NYAP2: variants seen among roughly 807,000 people sequenced by gnomAD.
The protein encoded by NYAP2 is neuronal tyrosine-phosphorylated phosphoinositide-3-kinase adapter 2.
Under a neutral mutation model 50.4 loss-of-function variants are expected in NYAP2, and 23 were observed. That is an observed-to-expected ratio of 0.46 (90% CI 0.33 to 0.65). The LOEUF is 0.65. Among genes scored for constraint, NYAP2 ranks in the 30% least tolerant of loss-of-function variants. The pLI, the probability that NYAP2 is intolerant of heterozygous loss-of-function variation, is 0.02. For synonymous variants in NYAP2, 394 were observed against 365.2 expected, an observed-to-expected ratio of 1.08 and a Z score of -0.90; for missense variants, 885 against 861.0, an observed-to-expected ratio of 1.03 and a Z score of -0.35.
intron 3 of NYAP2, among the ~76,000 whole-genome samples, chr2:225,451,295 G>T (rs1197300147): frequency 6.6e-6 from 1 of 151,838 alleles, no homozygotes; most frequent in Non-Finnish European, 1.5e-5. Flanking sequence ...CACTGTGAAT[G>T]GCAAAAAGGC....
chr2:225,515,653 A>G (rs1690916616), intron 4 of NYAP2, among the ~76,000 whole-genome samples: 1 of 152,208 alleles, frequency 6.6e-6, no homozygotes, highest in Non-Finnish European at 1.5e-5. Context: ...AAGGCCCCAG[A>G]GGCCTACCAT....
chr2:225,596,896 T>C (rs1692608920), intron 5 of NYAP2, among the ~76,000 whole-genome samples: 1 of 152,158 alleles, frequency 6.6e-6, no homozygotes, highest in South Asian at 2.1e-4. Context: ...TTGCATGGTA[T>C]TGAATACAGT....
intron 3 of NYAP2, among the ~76,000 whole-genome samples, chr2:225,465,255 A>G (rs1446630444): frequency 6.6e-6 from 1 of 151,908 alleles, no homozygotes; most frequent in Non-Finnish European, 1.5e-5. Flanking sequence ...TGCTATCTCA[A>G]AGCAGATCTC....
chr2:225,592,281 T>C (rs1574698202), intron 5 of NYAP2, among the ~76,000 whole-genome samples: 1 of 152,260 alleles, frequency 6.6e-6, no homozygotes, highest in East Asian at 1.9e-4. Context: ...AACTATGCAG[T>C]AGTTTGGCCC....
At chr2:225,628,315 G>GTTTTTTTTT (rs543647777) in intron 6 of NYAP2, among the ~76,000 whole-genome samples, 1 of 109,418 alleles carries the variant, frequency 9.1e-6, no homozygotes, top group African/African-American at 3.4e-5. Context: ...AGAACACATA[G>GTTTTTTTTT]TTTTTTTTTT....
chr2:225,497,853 T>C (rs1690535163), intron 3 of NYAP2, among the ~76,000 whole-genome samples: 1 of 152,220 alleles, frequency 6.6e-6, no homozygotes, highest in Non-Finnish European at 1.5e-5. Context: ...CTGGAAAATG[T>C]ATGGCTTGAC....
the NYAP2 span, among the ~76,000 whole-genome samples, chr2:225,688,193 C>G: frequency 6.6e-6 from 1 of 152,180 alleles, no homozygotes; most frequent in African/African-American, 2.4e-5. Flanking sequence ...CCAGGTGTGA[C>G]TCACATGGCA....
chr2:225,537,567 G>T (rs1359443992), intron 4 of NYAP2, among the ~76,000 whole-genome samples: 1 of 152,058 alleles, frequency 6.6e-6, no homozygotes, highest in East Asian at 1.9e-4. Flanking sequence ...ATAATGGCAT[G>T]GGAAAGATCT....
At chr2:225,667,749 A>G in the NYAP2 span, among the ~76,000 whole-genome samples, 2 of 152,236 alleles carry the variant, frequency 1.3e-5, no homozygotes, top group South Asian at 2.1e-4. Context: ...TAGAATACCT[A>G]AGAGCAATCA....
intron 4 of NYAP2, among the ~76,000 whole-genome samples, chr2:225,580,059 A>G (rs993326770): frequency 2.0e-5 from 3 of 152,120 alleles, no homozygotes; most frequent in East Asian, 1.9e-4. Flanking sequence ...TTCAATTCCT[A>G]TAACTCAATA....
chr2:225,666,212 T>G, the NYAP2 span, among the ~76,000 whole-genome samples: 9 of 152,310 alleles, frequency 5.9e-5, no homozygotes, highest in South Asian at 1.2e-3. Flanking sequence ...ATGTCACCTA[T>G]GTAGCCTACC....
At chr2:225,555,984 A>G (rs1691770292) in intron 4 of NYAP2, among the ~76,000 whole-genome samples, 1 of 152,140 alleles carries the variant, frequency 6.6e-6, no homozygotes, top group Non-Finnish European at 1.5e-5. Context: ...ATAAGCAGTC[A>G]TTACCTTCTA....
chr2:225,519,479 T>C (rs1454516670), intron 4 of NYAP2, among the ~76,000 whole-genome samples: 1 of 141,080 alleles, frequency 7.1e-6, no homozygotes, highest in Non-Finnish European at 1.5e-5. Flanking sequence ...TGTCCATGTG[T>C]TCTCATTGTT....
chr2:225,456,340 A>T (rs1689739423), intron 3 of NYAP2, among the ~76,000 whole-genome samples: 2 of 152,134 alleles, frequency 1.3e-5, no homozygotes, highest in Non-Finnish European at 2.9e-5. Context: ...TGCCTTACTG[A>T]CTTGTGTCCT....
chr2:225,601,064 C>A (rs149881878), intron 5 of NYAP2, among the ~76,000 whole-genome samples: 163 of 150,766 alleles, frequency 1.1e-3, no homozygotes, highest in African/African-American at 3.9e-3. Context: ...ACTTTCTATT[C>A]TTTAGAAATA....
intron 4 of NYAP2, among the ~76,000 whole-genome samples, chr2:225,559,660 G>T (rs1691839385): frequency 6.6e-6 from 1 of 151,902 alleles, no homozygotes; most frequent in Non-Finnish European, 1.5e-5. Flanking sequence ...ATAAATGGAA[G>T]GAATTTTAAA....
At chr2:225,508,860 C>T (rs929358678) in intron 3 of NYAP2, among the ~76,000 whole-genome samples, 5 of 152,212 alleles carry the variant, frequency 3.3e-5, no homozygotes, top group Non-Finnish European at 5.9e-5. Flanking sequence ...TGACTGCTAT[C>T]CTCAGAGGAG....
chr2:225,462,227 A>G (rs528619630), intron 3 of NYAP2, among the ~76,000 whole-genome samples: 1 of 152,244 alleles, frequency 6.6e-6, no homozygotes. Context: ...ATCAATGTAC[A>G]TGGAAGTGAT....
intron 4 of NYAP2, among the ~76,000 whole-genome samples, chr2:225,517,476 G>T (rs988034565): frequency 4.6e-5 from 7 of 152,156 alleles, no homozygotes; most frequent in Non-Finnish European, 8.8e-5. Flanking sequence ...TTAGGCAAAA[G>T]AGACTGTACT....
Sources: gnomAD v4.1 joint callset for allele counts (sites outside exome capture counted in the v4.1 genomes callset) on GRCh38, gnomAD v4.1.1 for gene constraint, MANE v1.5 for transcripts, NCBI Gene and HGNC (gene_info 2026-07-23, HGNC 2026-07-21) for gene names.